AGGF1: variants seen among roughly 807,000 people sequenced by gnomAD.
The protein encoded by AGGF1 is angiogenic factor with G patch and FHA domains 1.
Under a neutral mutation model 86.5 loss-of-function variants are expected in AGGF1, and 56 were observed. That is an observed-to-expected ratio of 0.65 (90% confidence interval 0.52 to 0.81). The LOEUF (loss-of-function observed/expected upper bound fraction) is 0.81. Among genes scored for constraint, AGGF1 ranks in the 30% least tolerant of loss-of-function variants. AGGF1 has a pLI of 0.00. For synonymous variants in AGGF1, 313 were observed against 297.1 expected, an observed-to-expected ratio of 1.05 and a Z score of -0.55; for missense variants, 816 against 850.9, an observed-to-expected ratio of 0.96 and a Z score of 0.51.
chr5:77,063,190 G>A lies in AGGF1; in HGVS notation c.2083G>A (p.Glu695Lys). 1 of 1,613,884 alleles carries A rather than the reference G, an allele frequency of 6.2e-7. No individual in the cohort carries two copies. The highest frequency in any genetic ancestry group is 8.5e-7 in the Non-Finnish European group (1 of 1,179,890). The change falls in exon 14 of 14, where the codon GAA (glutamate) becomes AAA (lysine). Residue 695 changes from glutamate (E) to lysine (K), a missense_variant. By Grantham distance (56) the Glu-to-Lys change is moderately conservative (BLOSUM62 1). Coordinates refer to ENST00000312916, the MANE Select transcript of AGGF1 (RefSeq NM_018046.5). ...ARERFTENFPETKPQKDDPGT... is the reference protein window; with the variant it reads ...ARERFTENFPKTKPQKDDPGT... ...AGAGCGGTTTACTGAAAACTTCCCA[G>A]AAACTAAGCCTCAAAAAGATGACCC...
Position 77,044,983 on chromosome 5 carries a change from T to C in AGGF1, c.871-1364T>C, listed in dbSNP as rs188750275. Reference sequence around the variant, plus strand: ...GGGAGGCTGAGGCAGTAGAATCTCTTGAACCTGGGAGGTGGAGGTTGGAGC... The same window carrying C: ...GGGAGGCTGAGGCAGTAGAATCTCTCGAACCTGGGAGGTGGAGGTTGGAGC... On this transcript the variant is annotated intron_variant, in intron 5 of 13. Coordinates refer to ENST00000312916, the MANE Select transcript of AGGF1 (RefSeq NM_018046.5). 4.5e-3 allele frequency among the ~76,000 whole-genome samples: 683 copies of C among 151,586 alleles called. 4 individuals carry two copies. The highest frequency in any genetic ancestry group is 0.015 in the African/African-American group (634 of 41,258).
chr5:77,040,947 C>T (rs1312885044), intron 5 of AGGF1, among the ~76,000 whole-genome samples: 1 of 152,154 alleles, frequency 6.6e-6, no homozygotes, highest in African/African-American at 2.4e-5. Context: ...ACTGCATCCT[C>T]GACCTCCTGA....
Position 77,046,345 on chromosome 5 carries a change from A to G in AGGF1, c.871-2A>G. The G allele has an allele frequency of 6.2e-7, 1 of 1,612,598 alleles. No homozygotes were observed. The highest frequency in any genetic ancestry group is 8.5e-7 in the Non-Finnish European group (1 of 1,178,960). On this transcript the variant is annotated splice_acceptor_variant, in intron 5 of 13. Transcript: ENST00000312916. LOFTEE classifies it high-confidence loss of function. ...CCCTCGTATCTACCCACCCTTCTCC[A>G]GGATTTGAACTCAGAGGATCAAAAA...
At chr5:77,055,146 G>T (rs570845574) in intron 10 of AGGF1, among the ~76,000 whole-genome samples, 1 of 152,220 alleles carries the variant, frequency 6.6e-6, no homozygotes, top group South Asian at 2.1e-4. Context: ...ACAATAACAT[G>T]AATTTTGGTT....
chr5:77,033,776 T>TGAGGCAGCGTATTGACC (rs1561283087), intron 1 of AGGF1, among the ~76,000 whole-genome samples: 3 of 152,230 alleles, frequency 2.0e-5, no homozygotes, highest in African/African-American at 7.2e-5. Context: ...GTGTATTGAC[T>TGAGGCAGCGTATTGACC]GAGGCAGCGT....
rs1164646839 is a variant in AGGF1 at position 77,042,480 on chromosome 5, C to T, written c.870+2761C>T. ...CTCCCTCCCGGACGGGGCGGCTGGC[C>T]GGGCGGGGGGCTGACCCCCCCCACC... On this transcript the variant is annotated intron_variant, in intron 5 of 13. Transcript: ENST00000312916. Among the ~76,000 whole-genome samples the T allele has an allele frequency of 7.7e-3, 480 of 62,052 alleles. 4 individuals carry two copies. The highest frequency in any genetic ancestry group is 0.022 in the African/African-American group (452 of 20,654). The allele number at this position is 62,052 out of a possible 152,430, so 40.7% of individuals were successfully genotyped here. A position where few individuals can be genotyped will look rare whatever the true frequency, so the allele number is the denominator to read the frequency against.
intron 5 of AGGF1, among the ~76,000 whole-genome samples, chr5:77,043,649 CG>C (rs1388712698): frequency 7.0e-6 from 1 of 143,774 alleles, no homozygotes; most frequent in Non-Finnish European, 1.6e-5. Context: ...ACCTCCCTCC[CG>C]GATGGGGCGG....
chr5:77,039,105 C>T (rs1227774128), intron 4 of AGGF1, among the ~76,000 whole-genome samples: 2 of 152,048 alleles, frequency 1.3e-5, no homozygotes, highest in African/African-American at 4.8e-5. Flanking sequence ...TACTGCCACA[C>T]CATTATTGTG....
chr5:77,050,065 A>G (rs1349944368), intron 8 of AGGF1, among the ~76,000 whole-genome samples: 6 of 152,146 alleles, frequency 3.9e-5, no homozygotes, highest in Admixed American at 2.6e-4. Context: ...TTAATTTGAA[A>G]GTCCATTTAC....
chr5:77,051,693 G>A (rs1474235925), intron 8 of AGGF1, among the ~76,000 whole-genome samples: 1 of 152,176 alleles, frequency 6.6e-6, no homozygotes, highest in Non-Finnish European at 1.5e-5. Context: ...ATTCCTAAGT[G>A]TGTATTCCAG....
chr5:77,038,630 TC>T (rs1482463794), intron 4 of AGGF1, among the ~76,000 whole-genome samples: 1 of 152,152 alleles, frequency 6.6e-6, no homozygotes, highest in African/African-American at 2.4e-5. Flanking sequence ...TTGTAAGAGA[TC>T]TGCAAAATGC....
At chr5:77,044,972 G>A (rs1205980747) in intron 5 of AGGF1, among the ~76,000 whole-genome samples, 4 of 151,976 alleles carry the variant, frequency 2.6e-5, no homozygotes, top group South Asian at 2.1e-4. Context: ...GGCTGAGGCA[G>A]TAGAATCTCT....
At chr5:77,059,241 T>C (rs192278641) in intron 11 of AGGF1, among the ~76,000 whole-genome samples, 12 of 152,350 alleles carry the variant, frequency 7.9e-5, no homozygotes, top group Admixed American at 2.6e-4. Context: ...CATCTTCTTA[T>C]GTATATGTAT....
At position 77,059,744 on chromosome 5, in the gene AGGF1, G is replaced by T; in HGVS notation, c.1844+1G>T. 2 of 1,613,538 alleles carry T rather than the reference G, an allele frequency of 1.2e-6. No individual in the cohort carries two copies. Among genetic ancestry groups the T allele is most frequent in the Non-Finnish European group, 1.7e-6 (2 of 1,179,620 alleles). Reference sequence around the variant, plus strand: ...ATGATGCTCCTGCATCTGTTCATTCGTAAGTTTTGAATTACAGTGGCTCGA... The same window carrying T: ...ATGATGCTCCTGCATCTGTTCATTCTTAAGTTTTGAATTACAGTGGCTCGA... On this transcript the variant is annotated splice_donor_variant, in intron 12 of 13. Transcript: ENST00000312916. LOFTEE classifies it high-confidence loss of function.
At chr5:77,043,609 C>T (rs1427271559) in intron 5 of AGGF1, among the ~76,000 whole-genome samples, 2 of 130,102 alleles carry the variant, frequency 1.5e-5, no homozygotes, top group African/African-American at 2.9e-5. Context: ...CCGGATGGCA[C>T]GGCTGGCCGG....
At position 77,063,415 on chromosome 5, in the gene AGGF1, T is replaced by A. The variant is rs1292361340; in HGVS notation, c.*163T>A. 1.3e-5 allele frequency: 10 copies of A among 741,382 alleles called. No individual in the cohort carries two copies. Among genetic ancestry groups the A allele is most frequent in the South Asian group, 5.7e-5 (3 of 52,746 alleles). The allele number at this position is 741,382 out of a possible 1,614,324, so 45.9% of individuals were successfully genotyped here. ...TTGCAGCTTTTAAAAACCATTTTTTTAAAACTAATAAATAGTGACTGAACC... is the reference window on the plus strand; with the variant it reads ...TTGCAGCTTTTAAAAACCATTTTTTAAAAACTAATAAATAGTGACTGAACC... On this transcript the variant is annotated 3_prime_UTR_variant, in exon 14 of 14. Coordinates refer to ENST00000312916, the MANE Select transcript of AGGF1 (RefSeq NM_018046.5).
chr5:77,033,765 G>A (rs970083798), intron 1 of AGGF1, among the ~76,000 whole-genome samples: 2 of 152,162 alleles, frequency 1.3e-5, no homozygotes, highest in Non-Finnish European at 2.9e-5. Context: ...CTCAGGCTGA[G>A]GTGTATTGAC....
chr5:77,045,950 G>C (rs531043830), intron 5 of AGGF1, among the ~76,000 whole-genome samples: 1 of 152,254 alleles, frequency 6.6e-6, no homozygotes, highest in South Asian at 2.1e-4. Context: ...GTACAAATAT[G>C]GTTTGTGTTA....
chr5:77,048,009 G>A (rs938526276), intron 6 of AGGF1, 152 bp from the exon 7 acceptor site: 28 of 663,214 alleles, frequency 4.2e-5, no homozygotes, highest in East Asian at 1.4e-4. Context: ...CCATTGCTGC[G>A]TATTATACAG....
Sources: gnomAD v4.1 joint callset for allele counts (sites outside exome capture counted in the v4.1 genomes callset) on GRCh38, gnomAD v4.1.1 for gene constraint, MANE v1.5 for transcripts, NCBI Gene and HGNC (gene_info 2026-07-23, HGNC 2026-07-21) for gene names.